CDK19: variants seen among roughly 807,000 people sequenced by gnomAD.
The protein encoded by CDK19 is cyclin dependent kinase 19, also known as cyclin-dependent kinase 19.
Under a neutral mutation model 68.3 loss-of-function variants are expected in CDK19, and 20 were observed. That is an observed-to-expected ratio of 0.29 (90% confidence interval 0.21 to 0.43). CDK19 has a LOEUF of 0.43. Ranked by LOEUF, CDK19 falls within the 20% of genes least tolerant of loss-of-function variation. The pLI is 1.00. For synonymous variants in CDK19, 221 were observed against 222.8 expected (o/e 0.99, Z 0.07); for missense variants, 339 against 623.5 (o/e 0.54, Z 4.86).
intron 4 of CDK19, 21 bp downstream of exon 4, chr6:110,667,413 A>T (rs1171469723): frequency 9.3e-6 from 14 of 1,499,664 alleles, no homozygotes; most frequent in Non-Finnish European, 1.2e-5. Context: ...ATATTGATGA[A>T]TTTAAAAGAA....
At chr6:110,640,153 T>C (rs1780042842) in intron 4 of CDK19, among the ~76,000 whole-genome samples, 1 of 147,128 alleles carries the variant, frequency 6.8e-6, no homozygotes, top group African/African-American at 2.5e-5. Flanking sequence ...TCTAGCAGAT[T>C]GAGGCTACCA....
intron 2 of CDK19, among the ~76,000 whole-genome samples, chr6:110,696,857 G>C (rs1024391950): frequency 1.1e-4 from 16 of 152,092 alleles, no homozygotes; most frequent in Admixed American, 2.6e-4. Flanking sequence ...CCGGGAGTTT[G>C]AGACCAGCCT....
At chr6:110,742,245 T>C (rs984375419) in intron 2 of CDK19, among the ~76,000 whole-genome samples, 2 of 152,220 alleles carry the variant, frequency 1.3e-5, no homozygotes. Context: ...CTGCAATCTC[T>C]GAACATAATT....
At chr6:110,688,366 GT>G in intron 2 of CDK19, among the ~76,000 whole-genome samples, 1 of 151,640 alleles carries the variant, frequency 6.6e-6, no homozygotes, top group Non-Finnish European at 1.5e-5. Flanking sequence ...ATGCAGGGAA[GT>G]TTTTTTTCCC....
At chr6:110,799,052 G>A (rs1053803303) in intron 1 of CDK19, among the ~76,000 whole-genome samples, 2 of 149,210 alleles carry the variant, frequency 1.3e-5, no homozygotes, top group Admixed American at 1.4e-4. Context: ...GCTGAGGTGG[G>A]AGAATCACCT....
chr6:110,735,629 A>C (rs1256739232), intron 2 of CDK19, among the ~76,000 whole-genome samples: 4 of 152,226 alleles, frequency 2.6e-5, no homozygotes, highest in Non-Finnish European at 5.9e-5. Context: ...CTAAATCAAG[A>C]AACTAAAAAA....
Position 110,625,265 on chromosome 6 carries a change from T to C in CDK19, c.860+1511A>G, listed in dbSNP as rs563511213. ...ATTTTTAACAAGGTCTCCAGGTGAT[T>C]TGTAGGTACACTGAAGTTTGAGAAG... is the stretch of plus-strand genomic sequence containing the variant. On this transcript the variant is annotated intron_variant, in intron 8 of 12. Transcript: ENST00000368911. Among the ~76,000 whole-genome samples the C allele has an allele frequency of 3.3e-5, 5 of 152,228 alleles. No individual in the cohort carries two copies. In the East Asian group the frequency reaches 5.8e-4, roughly 18 times the overall value.
At chr6:110,729,433 GTTTA>G (rs1776584401) in intron 2 of CDK19, among the ~76,000 whole-genome samples, 2 of 140,768 alleles carry the variant, frequency 1.4e-5, no homozygotes, top group African/African-American at 5.2e-5. Flanking sequence ...TTTGTTGTTT[GTTTA>G]TTTATTTTTG....
chr6:110,690,433 A>G (rs1460886217), intron 2 of CDK19, among the ~76,000 whole-genome samples: 2 of 151,522 alleles, frequency 1.3e-5, no homozygotes, highest in Non-Finnish European at 2.9e-5. Flanking sequence ...ACCTCAGTGC[A>G]TTCCACTGAA....
chr6:110,745,820 T>G (rs1268016851), intron 2 of CDK19, among the ~76,000 whole-genome samples: 1 of 151,966 alleles, frequency 6.6e-6, no homozygotes, highest in African/African-American at 2.4e-5. Flanking sequence ...ATTAAAAAAT[T>G]AGCCAGGTGT....
Position 110,661,213 on chromosome 6 carries a change from C to T in CDK19, c.456+6221G>A, listed in dbSNP as rs370872425. Among the ~76,000 whole-genome samples the T allele has an allele frequency of 4.7e-3, 715 of 152,306 alleles. 3 individuals carry two copies. Among genetic ancestry groups the T allele is most frequent in the South Asian group, 0.029 (142 of 4,830 alleles). ...ACAATGGATCAATGTACTGATCTTT[C>T]GACTTTAGGATGGTGCAAAAGCAAT... is the stretch of plus-strand genomic sequence containing the variant. On this transcript the variant is annotated intron_variant, in intron 4 of 12. Coordinates refer to ENST00000368911, the MANE Select transcript of CDK19 (RefSeq NM_015076.5).
intron 4 of CDK19, among the ~76,000 whole-genome samples, chr6:110,660,902 A>C (rs981572762): frequency 6.6e-6 from 1 of 152,164 alleles, no homozygotes; most frequent in African/African-American, 2.4e-5. Flanking sequence ...TCAGGCCTTT[A>C]GGCTTGAGGG....
intron 12 of CDK19, among the ~76,000 whole-genome samples, chr6:110,619,584 C>T (rs1238325371): frequency 6.6e-6 from 1 of 151,652 alleles, no homozygotes; most frequent in Non-Finnish European, 1.5e-5. Flanking sequence ...CCTGTTAGAG[C>T]AAGAATCTTG....
chr6:110,690,504 A>C (rs1772892226), intron 2 of CDK19, among the ~76,000 whole-genome samples: 1 of 152,066 alleles, frequency 6.6e-6, no homozygotes, highest in African/African-American at 2.4e-5. Context: ...TATTGCATTT[A>C]CCCAACTGCT....
chr6:110,666,373 C>G (rs1265996624), intron 4 of CDK19, among the ~76,000 whole-genome samples: 1 of 132,236 alleles, frequency 7.6e-6, no homozygotes, highest in Non-Finnish European at 1.5e-5. Context: ...TGCAGTGAGC[C>G]GAGATGGCGC....
intron 2 of CDK19, among the ~76,000 whole-genome samples, chr6:110,701,421 G>A (rs1279347919): frequency 9.3e-5 from 14 of 150,280 alleles, no homozygotes; most frequent in Admixed American, 2.0e-4. Flanking sequence ...GCATGGTGGC[G>A]GGCGCCAGTA....
At chr6:110,773,591 A>G (rs987512069) in intron 1 of CDK19, among the ~76,000 whole-genome samples, 1 of 152,198 alleles carries the variant, frequency 6.6e-6, no homozygotes, top group African/African-American at 2.4e-5. Flanking sequence ...TATAGCATAC[A>G]TTATACTAAT....
chr6:110,719,992 C>G (rs1270349943), intron 2 of CDK19, among the ~76,000 whole-genome samples: 6 of 126,114 alleles, frequency 4.8e-5, no homozygotes, highest in African/African-American at 1.7e-4. Flanking sequence ...CCCCACCCCC[C>G]CCCTGCTTCG....
intron 5 of CDK19, among the ~76,000 whole-genome samples, chr6:110,635,043 G>T: frequency 6.6e-6 from 1 of 152,174 alleles, no homozygotes; most frequent in East Asian, 1.9e-4. Flanking sequence ...AAAGATTACT[G>T]TAACAGTTGA....
Sources: allele counts gnomAD v4.1 joint callset (sites outside exome capture counted in the v4.1 genomes callset), GRCh38; gene constraint gnomAD v4.1.1; transcripts MANE v1.5; gene names NCBI Gene and HGNC (gene_info 2026-07-23, HGNC 2026-07-21).